The following P3H2 variants were observed in gnomAD, a reference collection of about 807,000 sequenced individuals.
The protein encoded by P3H2 is leprecan-like 1.
In P3H2, 80 loss-of-function variants were observed where a neutral mutation model predicts 87.0. The ratio of observed to expected loss-of-function variants is 0.92; its 90% confidence interval spans 0.77 to 1.11. P3H2 has a LOEUF of 1.11. Among genes scored for constraint, P3H2 ranks in the 50% least tolerant of loss-of-function variants. The pLI, the probability that P3H2 is intolerant of heterozygous loss-of-function variation, is 0.00. For missense variants in P3H2, 1,001 were observed against 923.9 expected, an observed-to-expected ratio of 1.08 and a Z score of -1.08; for synonymous variants, 367 against 359.3, an observed-to-expected ratio of 1.02 and a Z score of -0.24.
At chr3:190,069,406 T>C (rs969780262) in intron 1 of P3H2, among the ~76,000 whole-genome samples, 1 of 152,224 alleles carries the variant, frequency 6.6e-6, no homozygotes, top group Non-Finnish European at 1.5e-5. Context: ...CCTAGAAATC[T>C]TCTTCTAGTC....
intron 1 of P3H2, among the ~76,000 whole-genome samples, chr3:190,088,063 C>A (rs201943400): frequency 1.3e-5 from 2 of 151,838 alleles, no homozygotes; most frequent in African/African-American, 2.4e-5. Flanking sequence ...TCAAGGTAAG[C>A]GCAACAGAGA....
intron 1 of P3H2, among the ~76,000 whole-genome samples, chr3:190,118,627 A>G (rs1712386929): frequency 6.6e-6 from 1 of 151,970 alleles, no homozygotes; most frequent in South Asian, 2.1e-4. Context: ...GTGAACTCCA[A>G]CACCTTAGCC....
intron 1 of P3H2, among the ~76,000 whole-genome samples, chr3:190,005,196 A>G (rs935144480): frequency 5.9e-5 from 9 of 152,240 alleles, no homozygotes; most frequent in Non-Finnish European, 1.0e-4. Flanking sequence ...AAAAATTTCA[A>G]AAGTTTGTTG....
intron 1 of P3H2, among the ~76,000 whole-genome samples, chr3:190,007,923 C>CA (rs1724437727): frequency 8.6e-6 from 1 of 115,966 alleles, no homozygotes; most frequent in East Asian, 3.0e-4. Flanking sequence ...CAGACTGGCT[C>CA]AAAAAACTAA....
At position 189,964,000 on chromosome 3, in the gene P3H2, A is replaced by G. The variant is rs779472402; in HGVS notation, c.1992T>C (p.Ala664=). ...VKAVTKGKRC[A]VALWFTLDPL... ...GGTCCAAGGTGAACCACAGAGCCAC[A>G]GCACACCTCTTTCCCTTGGTGACTG... The change falls in exon 14 of 15, where the codon GCT becomes GCC. Residue 664 remains alanine (A), a synonymous_variant. Coordinates refer to ENST00000319332, the MANE Select transcript of P3H2 (RefSeq NM_018192.4). 1.6e-5 allele frequency: 26 copies of G among 1,614,186 alleles called. No homozygotes were observed. Among genetic ancestry groups the G allele is most frequent in the Non-Finnish European group, 2.1e-5 (25 of 1,180,006 alleles).
At chr3:189,973,825 C>CTT (rs1723259748) in intron 10 of P3H2, 84 bp downstream of exon 10, 1 of 1,091,048 alleles carries the variant, frequency 9.2e-7, no homozygotes, top group Non-Finnish European at 1.4e-6. Context: ...TGCCTGGCCA[C>CTT]TTTTTTCTTT....
rs777835320 is a variant in P3H2 at position 189,970,854 on chromosome 3, C to T, written c.1855G>A (p.Glu619Lys). 14 of 1,592,058 alleles carry T rather than the reference C, an allele frequency of 8.8e-6. No individual in the cohort carries two copies. The Admixed American group carries it at 1.3e-4, about 15-fold the overall frequency. ...GCATCCATCTCTGTGAATATGAATT[C>T]TCCTCCTTCAAAGTCATCATTCATA... ...LYMNDDFEGG[E>K]FIFTEMDAKT... The change falls in exon 13 of 15, where the codon GAA becomes AAA. Residue 619 changes from glutamate to lysine, a missense_variant. Transcript: ENST00000319332.
intron 1 of P3H2, among the ~76,000 whole-genome samples, chr3:190,092,760 C>G (rs1560398200): frequency 6.6e-6 from 1 of 152,040 alleles, no homozygotes; most frequent in Non-Finnish European, 1.5e-5. Flanking sequence ...GATAATGAGA[C>G]TTTTAAAAAG....
At chr3:189,970,067 G>C (rs919744551) in intron 13 of P3H2, among the ~76,000 whole-genome samples, 1 of 150,326 alleles carries the variant, frequency 6.7e-6, no homozygotes, top group African/African-American at 2.5e-5. Flanking sequence ...TCGTTGAATT[G>C]AACTTTTGAT....
At chr3:190,001,674 CA>C (rs1724220799) in intron 1 of P3H2, among the ~76,000 whole-genome samples, 1 of 152,156 alleles carries the variant, frequency 6.6e-6, no homozygotes, top group South Asian at 2.1e-4. Flanking sequence ...GAAAGGAAGT[CA>C]TCAAATTACA....
rs750075408 is a variant in P3H2 at position 189,995,423 on chromosome 3, G to A, written c.500C>T (p.Ala167Val). ...AYIKLNQLEK[A>V]VEAAHTFFVA... ...GAAAAATGTGTGAGCTGCTTCCACT[G>A]CTTTTTCGAGCTGGTTAAGCTAAAG... The change falls in exon 2 of 15, where the codon GCA (alanine) becomes GTA (valine). Residue 167 changes from alanine to valine, a missense_variant. Physicochemically the swap from Ala to Val is moderately conservative, Grantham distance 64 (BLOSUM62 0). Transcript: ENST00000319332. 41 of 1,613,646 alleles carry A rather than the reference G, an allele frequency of 2.5e-5. No homozygotes were observed. The highest frequency in any genetic ancestry group is 3.5e-5 in the Non-Finnish European group (41 of 1,179,980).
At chr3:190,048,441 G>C (rs1273823204) in intron 1 of P3H2, among the ~76,000 whole-genome samples, 3 of 149,866 alleles carry the variant, frequency 2.0e-5, no homozygotes, top group Non-Finnish European at 4.5e-5. Flanking sequence ...AGGTTGCAGA[G>C]AGCCGAGATC....
chr3:190,105,470 A>C (rs760856510), intron 1 of P3H2, among the ~76,000 whole-genome samples: 40 of 152,070 alleles, frequency 2.6e-4, no homozygotes, highest in South Asian at 6.2e-4. Flanking sequence ...TGAGCCTTTT[A>C]TCTATCTTCT....
intron 1 of P3H2, among the ~76,000 whole-genome samples, chr3:190,063,573 A>C (rs977073108): frequency 2.6e-5 from 4 of 152,172 alleles, no homozygotes; most frequent in African/African-American, 7.2e-5. Flanking sequence ...ATGTGTTACT[A>C]AATACCAGGT....
chr3:190,113,228 G>T (rs900414228), intron 1 of P3H2, among the ~76,000 whole-genome samples: 2 of 152,192 alleles, frequency 1.3e-5, no homozygotes, highest in African/African-American at 4.8e-5. Context: ...TCTGGGCCAA[G>T]CTCCATTTGC....
At chr3:190,116,112 T>G (rs1712280253) in intron 1 of P3H2, among the ~76,000 whole-genome samples, 1 of 152,128 alleles carries the variant, frequency 6.6e-6, no homozygotes, top group South Asian at 2.1e-4. Context: ...GGAACAAAAT[T>G]GTTACTGTGG....
intron 1 of P3H2, among the ~76,000 whole-genome samples, chr3:190,030,014 G>GA (rs1034827657): frequency 2.2e-5 from 3 of 138,690 alleles, no homozygotes; most frequent in Middle Eastern, 3.3e-3. Flanking sequence ...AAAAAAAAAA[G>GA]AAAAAAAAAG....
At chr3:190,117,544 C>G (rs1167300156) in intron 1 of P3H2, among the ~76,000 whole-genome samples, 3 of 125,258 alleles carry the variant, frequency 2.4e-5, no homozygotes, top group Non-Finnish European at 4.7e-5. Flanking sequence ...ATGACCATAT[C>G]CAGTCACATG....
chr3:189,974,886 T>C (rs1204129583), intron 8 of P3H2, among the ~76,000 whole-genome samples: 1 of 152,206 alleles, frequency 6.6e-6, no homozygotes, highest in Non-Finnish European at 1.5e-5. Flanking sequence ...GGTTTCCTCA[T>C]AATGTCATAA....
Sources: gnomAD v4.1 joint callset for allele counts (sites outside exome capture counted in the v4.1 genomes callset) on GRCh38, gnomAD v4.1.1 for gene constraint, MANE v1.5 for transcripts, NCBI Gene and HGNC (gene_info 2026-07-23, HGNC 2026-07-21) for gene names.